ULK4: variants seen among roughly 807,000 people sequenced by gnomAD.
The protein encoded by ULK4 is unc-51 like kinase 4, also known as inactive serine/threonine-protein kinase ULK4.
Under a neutral mutation model 160.6 loss-of-function variants are expected in ULK4, and 133 were observed. The observed-to-expected ratio is 0.83, with a 90% CI of 0.72 to 0.96. The LOEUF (loss-of-function observed/expected upper bound fraction) is 0.96, where lower values mean the gene tolerates loss of function less well. Among genes scored for constraint, ULK4 ranks in the 40% least tolerant of loss-of-function variants. ULK4 has a pLI of 0.00. For missense variants in ULK4, 1,580 were observed against 1,499.5 expected (o/e 1.05, Z -0.89); for synonymous variants, 534 against 539.8 (o/e 0.99, Z 0.15).
intron 2 of ULK4, among the ~76,000 whole-genome samples, chr3:41,939,081 CA>C (rs1699871126): frequency 6.6e-6 from 1 of 151,638 alleles, no homozygotes; most frequent in African/African-American, 2.4e-5. Context: ...GGGCAAGAAA[CA>C]AACTTATACC....
At chr3:41,304,892 C>T (rs537878794) in intron 35 of ULK4, among the ~76,000 whole-genome samples, 2 of 152,272 alleles carry the variant, frequency 1.3e-5, no homozygotes, top group South Asian at 4.1e-4. Context: ...CTGCATTTGG[C>T]CCAGCTGCAG....
intron 35 of ULK4, among the ~76,000 whole-genome samples, chr3:41,306,830 T>G (rs1484732855): frequency 6.6e-6 from 1 of 151,832 alleles, no homozygotes; most frequent in South Asian, 2.1e-4. Context: ...TGGGATCCTG[T>G]TGATCTGTGA....
intron 35 of ULK4, among the ~76,000 whole-genome samples, chr3:41,370,203 A>G (rs2081335417): frequency 6.6e-6 from 1 of 152,220 alleles, no homozygotes; most frequent in Admixed American, 6.5e-5. Flanking sequence ...GGAATTAAAA[A>G]AAAAAGCAAG....
At chr3:41,744,751 C>T (rs925580077) in intron 22 of ULK4, among the ~76,000 whole-genome samples, 6 of 151,838 alleles carry the variant, frequency 4.0e-5, no homozygotes, top group Non-Finnish European at 5.9e-5. Flanking sequence ...CAACAAGCAG[C>T]AGAATGTACA....
intron 20 of ULK4, among the ~76,000 whole-genome samples, chr3:41,790,680 A>G (rs1447083751): frequency 2.6e-5 from 4 of 152,238 alleles, no homozygotes; most frequent in African/African-American, 7.2e-5. Context: ...GTCTGATGCA[A>G]TTAGAACATT....
chr3:41,419,807 C>G (rs143397909), intron 34 of ULK4, among the ~76,000 whole-genome samples: 1 of 152,056 alleles, frequency 6.6e-6, no homozygotes, highest in Non-Finnish European at 1.5e-5. Flanking sequence ...AATGGCAGAG[C>G]TGTTCCTTAT....
At chr3:41,553,921 T>C (rs1361341578) in intron 32 of ULK4, among the ~76,000 whole-genome samples, 4 of 152,126 alleles carry the variant, frequency 2.6e-5, no homozygotes, top group Admixed American at 6.6e-5. Context: ...CTAGGTCTTA[T>C]TCATTCTTTC....
At chr3:41,474,427 A>G (rs916754427) in intron 32 of ULK4, among the ~76,000 whole-genome samples, 2 of 152,162 alleles carry the variant, frequency 1.3e-5, no homozygotes, top group Non-Finnish European at 2.9e-5. Flanking sequence ...ACAGAGGGGA[A>G]AAAACACAAG....
At chr3:41,439,497 T>C (rs1183070655) in intron 34 of ULK4, among the ~76,000 whole-genome samples, 1 of 152,158 alleles carries the variant, frequency 6.6e-6, no homozygotes, top group Non-Finnish European at 1.5e-5. Flanking sequence ...TAAAAATGAC[T>C]TATTTTTAAC....
chr3:41,761,370 A>G (rs1250435020), intron 21 of ULK4, among the ~76,000 whole-genome samples: 1 of 148,628 alleles, frequency 6.7e-6, no homozygotes, highest in Non-Finnish European at 1.5e-5. Flanking sequence ...TTATATGTAT[A>G]TACATATATT....
At chr3:41,270,782 T>C (rs771038224) in intron 35 of ULK4, among the ~76,000 whole-genome samples, 14 of 152,232 alleles carry the variant, frequency 9.2e-5, no homozygotes, top group Non-Finnish European at 2.1e-4. Flanking sequence ...AAACCTTCCA[T>C]GGAGTAATTA....
At chr3:41,823,070 G>GAC (rs2041202590) in intron 18 of ULK4, among the ~76,000 whole-genome samples, 7 of 149,914 alleles carry the variant, frequency 4.7e-5, no homozygotes, top group Non-Finnish European at 7.4e-5. Context: ...TCAAGATAAT[G>GAC]ATGAGTGCTA....
intron 35 of ULK4, among the ~76,000 whole-genome samples, chr3:41,301,670 T>G (rs2125711183): frequency 6.6e-6 from 1 of 152,308 alleles, no homozygotes; most frequent in South Asian, 2.1e-4. Context: ...ATTTTAAATA[T>G]CTATTAATAC....
rs1290010870 is a variant in ULK4 at position 41,455,589 on chromosome 3, T to C, written c.3400A>G (p.Lys1134Glu). 6.2e-7 allele frequency: 1 copy of C among 1,613,806 alleles called. No individual in the cohort carries two copies. The highest frequency in any genetic ancestry group is 2.2e-5 in the East Asian group (1 of 44,850). Residue 1134 changes from lysine (K) to glutamate (E), a missense_variant, in exon 34 of 37, where the codon AAG (lysine) becomes GAG (glutamate). Physicochemically the swap from Lys to Glu is moderately conservative, Grantham distance 56. Coordinates refer to ENST00000301831, the MANE Select transcript of ULK4 (RefSeq NM_017886.4). ...TGAGGGTCCTCTCCTGAGCCAGACT[T>C]CTGGGCCTGGAACAGAGAGAAGAGA... ...GIVRLALQAQ[K>E]SGSGEDPQAA...
At chr3:41,958,740 A>T (rs1260145555) in intron 1 of ULK4, among the ~76,000 whole-genome samples, 1 of 151,846 alleles carries the variant, frequency 6.6e-6, no homozygotes, top group African/African-American at 2.4e-5. Flanking sequence ...AAGGAAACTC[A>T]TTTTACAGAT....
intron 35 of ULK4, among the ~76,000 whole-genome samples, chr3:41,270,588 C>T (rs1246452631): frequency 1.3e-5 from 2 of 152,204 alleles, no homozygotes; most frequent in African/African-American, 4.8e-5. Flanking sequence ...TTTAGAGGCA[C>T]ATCCTGTTAG....
Position 41,564,923 on chromosome 3 carries a change from T to A in ULK4, c.3226+1102A>T, listed in dbSNP as rs58808857. Among the ~76,000 whole-genome samples the A allele has an allele frequency of 2.5e-3, 376 of 152,286 alleles. 1 individual carries two copies. Among genetic ancestry groups the A allele is most frequent in the African/African-American group, 8.7e-3 (362 of 41,562 alleles). The stretch of plus-strand genomic sequence containing the variant: ...TCCTTCAAGCTCCATCCATATTAAG[T>A]GCCCTATACAGGTGTATCATGTTTT... On this transcript the variant is annotated intron_variant, in intron 32 of 36. Transcript: ENST00000301831.
chr3:41,730,887 T>C (rs2037798699), intron 22 of ULK4, among the ~76,000 whole-genome samples: 1 of 151,982 alleles, frequency 6.6e-6, no homozygotes, highest in African/African-American at 2.4e-5. Context: ...CATATGCAAA[T>C]CAATAAATGT....
intron 34 of ULK4, among the ~76,000 whole-genome samples, chr3:41,447,788 G>A (rs72869589): frequency 0.013 from 2,018 of 152,228 alleles, 43 homozygotes; most frequent in African/African-American, 0.046. Flanking sequence ...ATCCTTTCTT[G>A]TCAATCAAAG....
Sources: allele counts gnomAD v4.1 joint callset (sites outside exome capture counted in the v4.1 genomes callset), GRCh38; gene constraint gnomAD v4.1.1; transcripts MANE v1.5; gene names NCBI Gene and HGNC (gene_info 2026-07-23, HGNC 2026-07-21).